The following UQCRC2 variants were observed in gnomAD, a reference collection of about 807,000 sequenced individuals.
UQCRC2 encodes the protein cytochrome b-c1 complex subunit 2, mitochondrial.
Under a neutral mutation model 55.6 loss-of-function variants are expected in UQCRC2, and 49 were observed. The ratio of observed to expected loss-of-function variants is 0.88; its 90% CI spans 0.70 to 1.12. UQCRC2 has a LOEUF of 1.12. Ranked by LOEUF, UQCRC2 falls within the 50% of genes most tolerant of loss-of-function variation. The probability of loss-of-function intolerance (pLI) is 0.00; values close to 1 mark genes in which losing one functional copy is unlikely to be tolerated. For missense variants in UQCRC2, 506 were observed against 547.8 expected, an observed-to-expected ratio of 0.92 and a Z score of 0.76; for synonymous variants, 193 against 192.0, an observed-to-expected ratio of 1.01 and a Z score of -0.04.
At chr16:21,969,863 A>C (rs1389169588) in intron 8 of UQCRC2, among the ~76,000 whole-genome samples, 1 of 147,942 alleles carries the variant, frequency 6.8e-6, no homozygotes, top group Non-Finnish European at 1.5e-5. Context: ...CCACTAATCT[A>C]CTTTGTTTTT....
chr16:21,963,350 G>C (rs1011785096), intron 6 of UQCRC2: 1 of 152,296 alleles, frequency 6.6e-6, no homozygotes, highest in African/African-American at 2.4e-5. Flanking sequence ...TTGTTATTTA[G>C]ATTTATTATT....
At chr16:21,981,646 T>C (rs1282778859) in intron 13 of UQCRC2, among the ~76,000 whole-genome samples, 5 of 151,568 alleles carry the variant, frequency 3.3e-5, no homozygotes, top group Non-Finnish European at 7.4e-5. Flanking sequence ...TCCCAGCTAC[T>C]CAGGAGCTCA....
At position 21,965,472 on chromosome 16, in the gene UQCRC2, T is replaced by C; in HGVS notation, c.579T>C (p.Pro193=). 3.1e-6 allele frequency: 5 copies of C among 1,611,072 alleles called. No homozygotes were observed. The highest frequency in any genetic ancestry group is 4.2e-6 in the Non-Finnish European group (5 of 1,179,236). ...CCTTGGCTAATCCCTTGTATTGTCC[T>C]GACTATAGGATTGGAAAAGTGACAT... ...RNALANPLYC[P]DYRIGKVTSE... The change falls in exon 7 of 14, where the codon CCT becomes CCC. Residue 193 remains proline (P), a synonymous_variant. Transcript: ENST00000268379.
At chr16:21,961,439 A>G (rs1365519920) in intron 4 of UQCRC2, 9 of 271,786 alleles carry the variant, frequency 3.3e-5, no homozygotes, top group Admixed American at 8.9e-5. Context: ...TAGAGTGTGA[A>G]CAAGCAAGTT....
intron 11 of UQCRC2, among the ~76,000 whole-genome samples, chr16:21,974,240 C>G (rs1410829722): frequency 6.6e-6 from 1 of 152,136 alleles, no homozygotes; most frequent in African/African-American, 2.4e-5. Context: ...TCTGAGACAT[C>G]TAAATTGAGA....
At chr16:21,976,379 T>C in intron 12 of UQCRC2, 136 bp downstream of exon 12, 1 of 709,912 alleles carries the variant, frequency 1.4e-6, no homozygotes, top group Non-Finnish European at 2.3e-6. Flanking sequence ...AACATACCCA[T>C]ATCCTACCAC....
rs1898791764 is a variant in UQCRC2 at position 21,983,640 on chromosome 16, A to ATAC, written c.*470_*472dup. 6.0e-6 allele frequency: 1 copy of ATAC among 165,618 alleles called. No individual in the cohort carries two copies. The highest frequency in any genetic ancestry group is 2.4e-5 in the African/African-American group (1 of 42,012). 10.3% of individuals were successfully genotyped at this position (165,618 alleles called of 1,614,324 possible). A position where few individuals can be genotyped will look rare whatever the true frequency, so the allele number is the denominator to read the frequency against. ...TGCAATAAAATTATTTCCAAAAAAC[A>ATAC]TACATTTCCTATCAATCATATCCTA... On this transcript the variant is annotated 3_prime_UTR_variant, in exon 14 of 14. Transcript: ENST00000268379.
chr16:21,972,943 TAC>T (rs1413457629), intron 10 of UQCRC2, among the ~76,000 whole-genome samples: 2 of 152,110 alleles, frequency 1.3e-5, no homozygotes, highest in African/African-American at 4.8e-5. Flanking sequence ...CTACTAAAAA[TAC>T]AAAAATTGTC....
At chr16:21,958,973 GA>G (rs982391684) in intron 4 of UQCRC2, among the ~76,000 whole-genome samples, 1 of 151,888 alleles carries the variant, frequency 6.6e-6, no homozygotes, top group African/African-American at 2.4e-5. Context: ...TTTTGTCTTG[GA>G]AAAAAAGTAC....
Position 21,962,501 on chromosome 16 carries a change from G to A in UQCRC2, c.374G>A (p.Cys125Tyr), listed in dbSNP as rs771836280. ...GAAAACATGGCTTATACTGTGGAATGCCTGCGGGGTGATGTGTAAGTACCT... is the reference window on the plus strand; with the variant it reads ...GAAAACATGGCTTATACTGTGGAATACCTGCGGGGTGATGTGTAAGTACCT... The part of the protein sequence containing the change: ...TRENMAYTVE[C>Y]LRGDVDILME... The change falls in exon 5 of 14, where the codon TGC becomes TAC. Residue 125 changes from cysteine to tyrosine, a missense_variant. By Grantham distance (194) the Cys-to-Tyr change is radical (BLOSUM62 -2). Coordinates refer to ENST00000268379, the MANE Select transcript of UQCRC2 (RefSeq NM_003366.4). 1.7e-5 allele frequency: 28 copies of A among 1,614,180 alleles called. No individual in the cohort carries two copies. The highest frequency in any genetic ancestry group is 2.4e-5 in the Non-Finnish European group (28 of 1,180,022).
chr16:21,974,743 G>A (rs900223848), intron 11 of UQCRC2, among the ~76,000 whole-genome samples: 15 of 152,162 alleles, frequency 9.9e-5, no homozygotes, highest in Non-Finnish European at 1.5e-4. Context: ...CAAAAAGATC[G>A]GAGCAGATAT....
Position 21,983,214 on chromosome 16 carries a change from G to T in UQCRC2, c.*43G>T, listed in dbSNP as rs1053977610. On this transcript the variant is annotated 3_prime_UTR_variant, in exon 14 of 14. Coordinates refer to ENST00000268379, the MANE Select transcript of UQCRC2 (RefSeq NM_003366.4). ...CAGGAGAGAGCTGAACGTTCTCTCA[G>T]CCCAGAGCAGCAAACACATGAAAGT... 1 of 1,548,262 alleles carries T rather than the reference G, an allele frequency of 6.5e-7. No homozygotes were observed. The highest frequency in any genetic ancestry group is 1.4e-5 in the African/African-American group (1 of 73,300).
intron 7 of UQCRC2, among the ~76,000 whole-genome samples, chr16:21,967,703 G>A (rs1898359878): frequency 6.6e-6 from 1 of 152,072 alleles, no homozygotes; most frequent in Non-Finnish European, 1.5e-5. Flanking sequence ...CAAGAATGGG[G>A]GACAGTGACC....
chr16:21,976,192 TA>T lies in UQCRC2; in HGVS notation c.1078del (p.Thr360GlnfsTer2). 1 of 1,614,046 alleles carries T rather than the reference TA, an allele frequency of 6.2e-7. No individual in the cohort carries two copies. Among genetic ancestry groups the T allele is most frequent in the Non-Finnish European group, 8.5e-7 (1 of 1,179,912 alleles). ...GTTATCAAGGCTGCCTATAATCAAG[TA>T]AAAACAATAGCTCAAGGAAACCTTT... The part of the protein sequence containing the change: ...GDVIKAAYNQ[V>X]KTIAQGNLSN... On this transcript the variant is annotated frameshift_variant, in exon 12 of 14. Transcript: ENST00000268379. LOFTEE classifies it high-confidence loss of function.
At position 21,983,178 on chromosome 16, in the gene UQCRC2, T is replaced by A; in HGVS notation, c.*7T>A. Reference sequence around the variant, plus strand: ...TTTTGTTGATGAGTTGTAATACTGATGCACACATTACAGGAGAGAGCTGAA... The same window carrying A: ...TTTTGTTGATGAGTTGTAATACTGAAGCACACATTACAGGAGAGAGCTGAA... On this transcript the variant is annotated 3_prime_UTR_variant, in exon 14 of 14. Coordinates refer to ENST00000268379, the MANE Select transcript of UQCRC2 (RefSeq NM_003366.4). The A allele has an allele frequency of 6.2e-7, 1 of 1,612,790 alleles. No homozygotes were observed. Among genetic ancestry groups the A allele is most frequent in the East Asian group, 2.2e-5 (1 of 44,868 alleles).
At chr16:21,971,466 T>G in intron 8 of UQCRC2, 59 bp from the exon 9 acceptor site, 1 of 1,371,448 alleles carries the variant, frequency 7.3e-7, no homozygotes, top group East Asian at 2.3e-5. Context: ...GAAAAAATAT[T>G]TTACGATTGT....
At chr16:21,966,307 C>T (rs193028212) in intron 7 of UQCRC2, among the ~76,000 whole-genome samples, 2 of 152,230 alleles carry the variant, frequency 1.3e-5, no homozygotes, top group East Asian at 1.9e-4. Flanking sequence ...TTCTTCAGCA[C>T]ACCAGCCTCC....
intron 1 of UQCRC2, among the ~76,000 whole-genome samples, chr16:21,953,855 C>T (rs1033138115): frequency 1.3e-5 from 2 of 152,164 alleles, no homozygotes; most frequent in African/African-American, 2.4e-5. Flanking sequence ...CACGGAGCGT[C>T]AGTTTCCCCA....
At chr16:21,963,788 TG>T (rs1898259340) in intron 6 of UQCRC2, among the ~76,000 whole-genome samples, 1 of 152,108 alleles carries the variant, frequency 6.6e-6, no homozygotes. Context: ...TTTTAAGAGT[TG>T]TTTTGCTTAC....
Sources: allele counts gnomAD v4.1 joint callset (sites outside exome capture counted in the v4.1 genomes callset), GRCh38; gene constraint gnomAD v4.1.1; transcripts MANE v1.5; gene names NCBI Gene and HGNC (gene_info 2026-07-23, HGNC 2026-07-21).